The following TCF4 variants were observed in gnomAD, a reference collection of about 807,000 sequenced individuals.
TCF4 encodes the protein SL3-3 enhancer factor 2.
In TCF4, 3 loss-of-function variants were observed where a neutral mutation model predicts 82.1. That is an observed-to-expected ratio of 0.04 (90% confidence interval 0.02 to 0.09). TCF4 has a LOEUF of 0.09. Ranked by LOEUF, TCF4 falls within the 10% of genes least tolerant of loss-of-function variation. The probability of loss-of-function intolerance (pLI) is 1.00; values close to 1 mark genes in which losing one functional copy is unlikely to be tolerated. For synonymous variants in TCF4, 276 were observed against 309.6 expected, an observed-to-expected ratio of 0.89 and a Z score of 1.14; for missense variants, 518 against 852.7, an observed-to-expected ratio of 0.61 and a Z score of 4.89.
rs138133395 is a variant in TCF4, at chr18:55,270,595, G to A, written c.790-632C>T. Among the ~76,000 whole-genome samples the A allele has an allele frequency of 2.6e-4, 40 of 152,250 alleles. No individual in the cohort carries two copies. In the East Asian group the frequency reaches 7.5e-3, roughly 29 times the overall value. On this transcript the variant is annotated intron_variant, in intron 10 of 19. Transcript: ENST00000354452. ...AGGACCACATGACTTATTTTGGTTT[G>A]AGTACTTTCTTTCCATGCCCCACCT...
chr18:55,345,319 G>A (rs1030709705), intron 8 of TCF4, among the ~76,000 whole-genome samples: 1 of 148,946 alleles, frequency 6.7e-6, no homozygotes, highest in African/African-American at 2.5e-5. Flanking sequence ...CGCACATGCT[G>A]AACTAGAAGT....
At chr18:55,551,897 A>G (rs1273463704) in intron 3 of TCF4, 1 of 152,236 alleles carries the variant, frequency 6.6e-6, no homozygotes, top group African/African-American at 2.4e-5. Context: ...CTGGTAAAAC[A>G]GGAAAAACTA....
intron 3 of TCF4, among the ~76,000 whole-genome samples, chr18:55,535,199 T>G (rs1314783708): frequency 6.6e-6 from 1 of 152,222 alleles, no homozygotes; most frequent in Non-Finnish European, 1.5e-5. Context: ...CATTTCAGGG[T>G]TCGTGCTCTC....
intron 5 of TCF4, among the ~76,000 whole-genome samples, chr18:55,409,955 C>T (rs764579008): frequency 2.6e-5 from 4 of 152,082 alleles, no homozygotes; most frequent in Non-Finnish European, 4.4e-5. Flanking sequence ...CAGAATCTTA[C>T]GATACAGGGA....
chr18:55,428,899 G>GCC (rs2147109513), intron 5 of TCF4, among the ~76,000 whole-genome samples: 1 of 152,248 alleles, frequency 6.6e-6, no homozygotes, highest in African/African-American at 2.4e-5. Flanking sequence ...GAACTGATGA[G>GCC]AGGTCTACTC....
chr18:55,511,746 C>T (rs2096831014), intron 3 of TCF4, among the ~76,000 whole-genome samples: 1 of 151,998 alleles, frequency 6.6e-6, no homozygotes, highest in South Asian at 2.1e-4. Context: ...AATAAAGTTA[C>T]ATGACATAAA....
intron 6 of TCF4, among the ~76,000 whole-genome samples, chr18:55,373,551 G>C (rs911447979): frequency 1.3e-5 from 2 of 152,070 alleles, no homozygotes; most frequent in Admixed American, 6.6e-5. Flanking sequence ...AGTGGCTCAC[G>C]CCTGTAATCC....
Position 55,586,363 on chromosome 18 carries a change from T to C in TCF4, c.72+682A>G, listed in dbSNP as rs2097651039. The C allele has an allele frequency of 1.5e-5, 9 of 587,302 alleles. 3 individuals carry two copies. The East Asian group carries it at 3.1e-4, about 20-fold the overall frequency. The allele number at this position is 587,302 out of a possible 1,614,324, so 36.4% of individuals were successfully genotyped here. On this transcript the variant is annotated intron_variant, in intron 2 of 19. Transcript: ENST00000354452. ...AATGAATTCATTCTCCTGACATGTC[T>C]GGGACTTGGTTTAGGAAAAGGAAGC...
chr18:55,519,433 C>CAAAA (rs34106037), intron 3 of TCF4, among the ~76,000 whole-genome samples: 106 of 116,740 alleles, frequency 9.1e-4, no homozygotes, highest in East Asian at 3.7e-3. Context: ...GACCCCGTCT[C>CAAAA]AAAAAAAGAA....
intron 5 of TCF4, among the ~76,000 whole-genome samples, chr18:55,421,259 A>G (rs2094740976): frequency 6.6e-6 from 1 of 152,240 alleles, no homozygotes; most frequent in South Asian, 2.1e-4. Flanking sequence ...AAGTTGGAAG[A>G]AGCAAGAGAT....
At chr18:55,622,980 GA>G (rs1442590110) in intron 2 of TCF4, among the ~76,000 whole-genome samples, 1 of 151,886 alleles carries the variant, frequency 6.6e-6, no homozygotes, top group Non-Finnish European at 1.5e-5. Context: ...TATTACAACA[GA>G]AAACCATAGA....
rs1324557127 is a variant in TCF4, at chr18:55,515,109, A to C, written c.146-50972T>G. Reference sequence around the variant, plus strand: ...ACACATAAACGTAAAGCCATAAGACAGTTACCTGTTCTTGTTCAGCCCTGT... The same window carrying C: ...ACACATAAACGTAAAGCCATAAGACCGTTACCTGTTCTTGTTCAGCCCTGT... On this transcript the variant is annotated intron_variant, in intron 3 of 19. Transcript: ENST00000354452. Among the ~76,000 whole-genome samples, 3 of 152,182 alleles carry C rather than the reference A, an allele frequency of 2.0e-5. 1 individual carries two copies. The East Asian group carries it at 5.8e-4, about 29-fold the overall frequency.
At chr18:55,581,327 T>C (rs1252433382) in intron 3 of TCF4, among the ~76,000 whole-genome samples, 1 of 152,056 alleles carries the variant, frequency 6.6e-6, no homozygotes, top group Non-Finnish European at 1.5e-5. Context: ...ACTCCTTATC[T>C]TGGGCCTCAG....
At chr18:55,509,279 A>C (rs1173117256) in intron 3 of TCF4, among the ~76,000 whole-genome samples, 1 of 152,092 alleles carries the variant, frequency 6.6e-6, no homozygotes, top group Non-Finnish European at 1.5e-5. Context: ...CTCTGGTAAA[A>C]CTGTAGCTAC....
chr18:55,533,024 C>T (rs2097081658), intron 3 of TCF4, among the ~76,000 whole-genome samples: 1 of 152,174 alleles, frequency 6.6e-6, no homozygotes, highest in Admixed American at 6.5e-5. Flanking sequence ...TATTTCTGCT[C>T]CCCATATGTT....
At position 55,393,975 on chromosome 18, in the gene TCF4, C is replaced by T. The variant is rs545406266; in HGVS notation, c.369+9479G>A. Among the ~76,000 whole-genome samples, 30 of 152,154 alleles carry T rather than the reference C, an allele frequency of 2.0e-4. No individual in the cohort carries two copies. The South Asian group carries it at 5.6e-3, about 28-fold the overall frequency. On this transcript the variant is annotated intron_variant, in intron 6 of 19. Transcript: ENST00000354452. The stretch of plus-strand genomic sequence containing the variant: ...TAATACTGCAATGGCAGATGTGTCT[C>T]GATTATTAGAGGTGGGCTCGAGGGA...
chr18:55,254,058 C>T (rs2056077008), intron 15 of TCF4, among the ~76,000 whole-genome samples: 1 of 152,130 alleles, frequency 6.6e-6, no homozygotes, highest in Non-Finnish European at 1.5e-5. Flanking sequence ...ATGAATAAAG[C>T]TCTAATACGT....
chr18:55,600,768 A>C (rs1267050266), intron 2 of TCF4, among the ~76,000 whole-genome samples: 1 of 152,222 alleles, frequency 6.6e-6, no homozygotes, highest in East Asian at 1.9e-4. Context: ...CTGTGGATTC[A>C]ACCAGCCACA....
Position 55,635,720 on chromosome 18 carries a change from AG to A in TCF4, c.177del (p.Ser60ProfsTer53). The A allele has an allele frequency of 2.6e-6, 4 of 1,550,096 alleles. No homozygotes were observed. Among genetic ancestry groups the A allele is most frequent in the Non-Finnish European group, 3.5e-6 (4 of 1,146,880 alleles). On this transcript the variant is annotated frameshift_variant, in exon 1 of 21. Coordinates refer to the TCF4 transcript ENST00000398339. LOFTEE classifies it high-confidence loss of function. ...GTTCCTACCTCCAAGGGCCTCCTGG[AG>A]AAGCTCGAGTAGCAGTTCTCAACCC...
Sources: gnomAD v4.1 joint callset for allele counts (sites outside exome capture counted in the v4.1 genomes callset) on GRCh38, gnomAD v4.1.1 for gene constraint, MANE v1.5 for transcripts, NCBI Gene and HGNC (gene_info 2026-07-23, HGNC 2026-07-21) for gene names.